Variants in CNTNAP2 observed in about 807,000 individuals in gnomAD.
The protein encoded by CNTNAP2 is contactin associated protein 2.
In CNTNAP2, 98 loss-of-function variants were observed where a neutral mutation model predicts 155.2. That is an observed-to-expected ratio of 0.63 (90% CI 0.54 to 0.75). The LOEUF is 0.75. Among genes scored for constraint, CNTNAP2 ranks in the 30% least tolerant of loss-of-function variants. The pLI is 0.00. For synonymous variants in CNTNAP2, 651 were observed against 631.2 expected, an observed-to-expected ratio of 1.03 and a Z score of -0.47; for missense variants, 1,727 against 1,688.1, an observed-to-expected ratio of 1.02 and a Z score of -0.40.
intron 18 of CNTNAP2, among the ~76,000 whole-genome samples, chr7:148,214,186 T>A (rs977770387): frequency 6.6e-6 from 1 of 152,176 alleles, no homozygotes; most frequent in Non-Finnish European, 1.5e-5. Flanking sequence ...TAATAATCTG[T>A]TTACCTGAAT....
chr7:147,945,256 A>G (rs1800798523), intron 14 of CNTNAP2, among the ~76,000 whole-genome samples: 1 of 152,204 alleles, frequency 6.6e-6, no homozygotes, highest in Non-Finnish European at 1.5e-5. Context: ...ATGGGTATAA[A>G]TATTGATATA....
chr7:147,540,902 C>T (rs757358180), intron 11 of CNTNAP2, among the ~76,000 whole-genome samples: 16 of 151,916 alleles, frequency 1.1e-4, no homozygotes, highest in Admixed American at 1.3e-4. Context: ...ATTGGTGCAG[C>T]GTAATCCAGT....
At chr7:147,163,654 C>T (rs1802069924) in intron 8 of CNTNAP2, among the ~76,000 whole-genome samples, 1 of 152,074 alleles carries the variant, frequency 6.6e-6, no homozygotes. Flanking sequence ...TTAAGTCAGG[C>T]AATGTGTGAC....
At chr7:147,738,706 G>C (rs1796901735) in intron 13 of CNTNAP2, among the ~76,000 whole-genome samples, 1 of 147,822 alleles carries the variant, frequency 6.8e-6, no homozygotes, top group East Asian at 2.0e-4. Flanking sequence ...CCAAACTGGA[G>C]TGCAGTGGTG....
intron 1 of CNTNAP2, among the ~76,000 whole-genome samples, chr7:146,350,567 T>C: frequency 6.6e-6 from 1 of 151,728 alleles, no homozygotes; most frequent in East Asian, 1.9e-4. Flanking sequence ...AGGAACACTT[T>C]TACACTGTTG....
At chr7:146,940,981 G>A (rs958605655) in intron 3 of CNTNAP2, among the ~76,000 whole-genome samples, 14 of 151,692 alleles carry the variant, frequency 9.2e-5, no homozygotes, top group African/African-American at 3.4e-4. Flanking sequence ...AGCTATTCTT[G>A]CTCTTTTTTA....
chr7:146,963,617 A>G (rs2129231074), intron 3 of CNTNAP2, among the ~76,000 whole-genome samples: 1 of 152,316 alleles, frequency 6.6e-6, no homozygotes, highest in East Asian at 1.9e-4. Flanking sequence ...TTTTTTTGAC[A>G]GCACGATGTA....
chr7:146,604,837 C>T (rs7779411), intron 1 of CNTNAP2, among the ~76,000 whole-genome samples: 5,030 of 144,446 alleles, frequency 0.035, 326 homozygotes, highest in African/African-American at 0.12. Flanking sequence ...AAAAACCAAA[C>T]ACCTCATATT....
chr7:146,826,857 T>TATATAGAGAGAG (rs773069615), intron 2 of CNTNAP2, among the ~76,000 whole-genome samples: 6 of 138,972 alleles, frequency 4.3e-5, no homozygotes, highest in African/African-American at 1.4e-4. Context: ...TATATATATA[T>TATATAGAGAGAG]AGAGAGAGAG....
chr7:148,192,530 C>CA (rs199930400), intron 18 of CNTNAP2, among the ~76,000 whole-genome samples: 6,961 of 135,702 alleles, frequency 0.051, 384 homozygotes, highest in African/African-American at 0.13. Context: ...AATGGATGAC[C>CA]AAAAAAAAAA....
At chr7:147,264,979 T>G (rs997347403) in intron 8 of CNTNAP2, among the ~76,000 whole-genome samples, 3 of 151,984 alleles carry the variant, frequency 2.0e-5, no homozygotes, top group Non-Finnish European at 2.9e-5. Flanking sequence ...CGAAGTTCAA[T>G]AGGTAGACTC....
At chr7:146,504,845 G>C (rs544801614) in intron 1 of CNTNAP2, among the ~76,000 whole-genome samples, 63 of 152,278 alleles carry the variant, frequency 4.1e-4, no homozygotes, top group Middle Eastern at 3.4e-3. Context: ...CTCCCAGGGG[G>C]CACAAAGTCC....
At chr7:148,264,482 T>C (rs1796631383) in intron 20 of CNTNAP2, among the ~76,000 whole-genome samples, 1 of 152,124 alleles carries the variant, frequency 6.6e-6, no homozygotes, top group African/African-American at 2.4e-5. Flanking sequence ...TAATATATCA[T>C]CAAGTTAAAA....
At chr7:147,640,134 GTA>G (rs1277145515) in intron 13 of CNTNAP2, among the ~76,000 whole-genome samples, 1 of 151,942 alleles carries the variant, frequency 6.6e-6, no homozygotes, top group Non-Finnish European at 1.5e-5. Context: ...TGACAAAATT[GTA>G]TATGTCTTTC....
chr7:146,951,729 A>T (rs1263587139), intron 3 of CNTNAP2, among the ~76,000 whole-genome samples: 2 of 152,054 alleles, frequency 1.3e-5, no homozygotes, highest in Non-Finnish European at 1.5e-5. Flanking sequence ...AGGTAGTGTG[A>T]TTTCTCCAGC....
intron 13 of CNTNAP2, among the ~76,000 whole-genome samples, chr7:147,642,071 G>C (rs776994204): frequency 1.3e-5 from 2 of 151,828 alleles, no homozygotes; most frequent in Non-Finnish European, 2.9e-5. Flanking sequence ...AAAAGTCAAA[G>C]ACTGTATGTA....
At chr7:147,422,907 A>AT (rs1722854484) in intron 10 of CNTNAP2, among the ~76,000 whole-genome samples, 2 of 152,164 alleles carry the variant, frequency 1.3e-5, no homozygotes. Context: ...TCTAATGATA[A>AT]TTTTTTATAT....
intron 8 of CNTNAP2, among the ~76,000 whole-genome samples, chr7:147,223,618 A>T (rs941037926): frequency 2.6e-5 from 4 of 152,136 alleles, no homozygotes; most frequent in African/African-American, 4.8e-5. Context: ...TTATCTCAAG[A>T]TGTTGCATTC....
At chr7:147,102,297 A>AAAAAAAAAAAAG (rs3083773) in intron 4 of CNTNAP2, among the ~76,000 whole-genome samples, 1 of 151,478 alleles carries the variant, frequency 6.6e-6, no homozygotes, top group African/African-American at 2.4e-5. Context: ...AAAAAAAAAA[A>AAAAAAAAAAAAG]GAAGCTCAAG....
Sources: gnomAD v4.1 joint callset for allele counts (sites outside exome capture counted in the v4.1 genomes callset) on GRCh38, gnomAD v4.1.1 for gene constraint, MANE v1.5 for transcripts, NCBI Gene and HGNC (gene_info 2026-07-23, HGNC 2026-07-21) for gene names.